ADGRL3: variants seen among roughly 807,000 people sequenced by gnomAD.
ADGRL3 encodes the protein calcium-independent alpha-latrotoxin receptor 3.
ADGRL3 carries 62 observed loss-of-function variants against 153.5 expected under a neutral mutation model. That is an observed-to-expected ratio of 0.40 (90% confidence interval 0.33 to 0.50). ADGRL3 has a LOEUF of 0.50. ADGRL3 is among the 20% of genes least tolerant of loss of function. The pLI is 0.47. For synonymous variants in ADGRL3, 710 were observed against 672.5 expected (o/e 1.06, Z -0.86); for missense variants, 1,641 against 1,859.4 (o/e 0.88, Z 2.16).
At chr4:61,641,210 A>G (rs990359789) in intron 5 of ADGRL3, among the ~76,000 whole-genome samples, 1 of 152,132 alleles carries the variant, frequency 6.6e-6, no homozygotes, top group Non-Finnish European at 1.5e-5. Context: ...TCATGATTAC[A>G]TGATGTGATG....
intron 1 of ADGRL3, among the ~76,000 whole-genome samples, chr4:61,250,966 C>G (rs1283860312): frequency 6.6e-6 from 1 of 152,074 alleles, no homozygotes; most frequent in African/African-American, 2.4e-5. Context: ...TTATTACTAC[C>G]GTTTCTATTA....
At chr4:61,548,394 A>C (rs1040078434) in intron 4 of ADGRL3, among the ~76,000 whole-genome samples, 1 of 151,864 alleles carries the variant, frequency 6.6e-6, no homozygotes, top group Non-Finnish European at 1.5e-5. Flanking sequence ...GATTATCTTC[A>C]AGAGTTTTTA....
chr4:61,476,736 AAAC>A (rs1484732867), intron 2 of ADGRL3, among the ~76,000 whole-genome samples: 85 of 146,318 alleles, frequency 5.8e-4, no homozygotes, highest in African/African-American at 2.1e-3. Flanking sequence ...AAAAAAAAAA[AAAC>A]AAAAAAACAT....
chr4:61,698,692 G>A (rs902237492), intron 6 of ADGRL3, among the ~76,000 whole-genome samples: 3 of 152,022 alleles, frequency 2.0e-5, no homozygotes, highest in Non-Finnish European at 4.4e-5. Context: ...ATGTGATTAG[G>A]TATTATAGAG....
At chr4:61,539,719 CA>C (rs1029940513) in intron 4 of ADGRL3, among the ~76,000 whole-genome samples, 1 of 152,136 alleles carries the variant, frequency 6.6e-6, no homozygotes, top group Non-Finnish European at 1.5e-5. Context: ...TCACCACTGA[CA>C]GTGTTGCCCA....
intron 4 of ADGRL3, among the ~76,000 whole-genome samples, chr4:61,569,293 C>A (rs2098829056): frequency 6.6e-6 from 1 of 152,096 alleles, no homozygotes; most frequent in African/African-American, 2.4e-5. Flanking sequence ...CCATAAGACT[C>A]ATTCACCTAA....
chr4:61,292,690 C>T (rs2094265747), intron 1 of ADGRL3, among the ~76,000 whole-genome samples: 1 of 152,048 alleles, frequency 6.6e-6, no homozygotes, highest in South Asian at 2.1e-4. Context: ...AATTTAGAGA[C>T]CTGGAGTCAA....
intron 8 of ADGRL3, among the ~76,000 whole-genome samples, chr4:61,770,897 A>G (rs1419200329): frequency 1.3e-5 from 2 of 152,168 alleles, no homozygotes; most frequent in Non-Finnish European, 2.9e-5. Flanking sequence ...TTTCTCTCTA[A>G]GTGATGCGGG....
intron 21 of ADGRL3, among the ~76,000 whole-genome samples, chr4:62,014,498 T>A (rs925640354): frequency 6.6e-6 from 1 of 152,188 alleles, no homozygotes; most frequent in Admixed American, 6.5e-5. Context: ...ACAAGTTTTT[T>A]ATAATTTTTG....
intron 5 of ADGRL3, among the ~76,000 whole-genome samples, chr4:61,664,558 A>T (rs747980514): frequency 2.0e-5 from 3 of 151,912 alleles, no homozygotes; most frequent in Non-Finnish European, 4.4e-5. Context: ...TTCAATATGG[A>T]TTTTCTTTTT....
At chr4:61,892,543 A>C in intron 9 of ADGRL3, 113 bp from the exon 10 acceptor site, 1 of 747,146 alleles carries the variant, frequency 1.3e-6, no homozygotes, top group Non-Finnish European at 2.2e-6. Flanking sequence ...AGACTTCTAG[A>C]GCTTTAAAGC....
At chr4:62,009,521 T>A (rs2099174386) in intron 21 of ADGRL3, among the ~76,000 whole-genome samples, 1 of 152,154 alleles carries the variant, frequency 6.6e-6, no homozygotes, top group Non-Finnish European at 1.5e-5. Flanking sequence ...AATGGTTATA[T>A]ATAGAGAAAA....
intron 1 of ADGRL3, among the ~76,000 whole-genome samples, chr4:61,321,117 A>ACT (rs1487571348): frequency 6.6e-6 from 1 of 152,228 alleles, no homozygotes; most frequent in Non-Finnish European, 1.5e-5. Context: ...AAAGGTTAGC[A>ACT]AATTAGCAAT....
intron 1 of ADGRL3, among the ~76,000 whole-genome samples, chr4:61,345,577 A>G (rs1225761544): frequency 1.3e-5 from 2 of 152,214 alleles, no homozygotes; most frequent in Non-Finnish European, 2.9e-5. Context: ...AAGAATAAAA[A>G]CTATGGTCCA....
At chr4:61,632,953 A>T (rs901014525) in intron 5 of ADGRL3, among the ~76,000 whole-genome samples, 2 of 152,176 alleles carry the variant, frequency 1.3e-5, no homozygotes, top group African/African-American at 4.8e-5. Flanking sequence ...CCCAATATTA[A>T]TGGGGTTATT....
chr4:62,007,296 G>T (rs1264553003), intron 21 of ADGRL3, among the ~76,000 whole-genome samples: 1 of 143,078 alleles, frequency 7.0e-6, no homozygotes, highest in African/African-American at 2.6e-5. Context: ...TCTGGCAAAG[G>T]GGCTGTGGGA....
chr4:61,775,639 G>C, intron 8 of ADGRL3: 34 of 1,472,096 alleles, frequency 2.3e-5, no homozygotes, highest in Non-Finnish European at 3.2e-5. Context: ...TTGGTGTTCA[G>C]CACAAAGGGC....
chr4:61,836,245 C>G (rs910469002), intron 9 of ADGRL3, among the ~76,000 whole-genome samples: 1 of 152,050 alleles, frequency 6.6e-6, no homozygotes, highest in Non-Finnish European at 1.5e-5. Context: ...TATATTAAAG[C>G]TGCAACATTC....
chr4:61,267,576 C>A (rs996978415), intron 1 of ADGRL3, among the ~76,000 whole-genome samples: 13 of 151,744 alleles, frequency 8.6e-5, no homozygotes, highest in African/African-American at 3.1e-4. Flanking sequence ...ATAGAATGAA[C>A]ATTTACTGTG....
Sources: allele counts gnomAD v4.1 joint callset (sites outside exome capture counted in the v4.1 genomes callset), GRCh38; gene constraint gnomAD v4.1.1; transcripts MANE v1.5; gene names NCBI Gene and HGNC (gene_info 2026-07-23, HGNC 2026-07-21).